Variants in DPP6 observed in about 807,000 individuals in gnomAD.
DPP6 encodes the protein A-type potassium channel modulatory protein DPP6.
A neutral mutation model predicts 122.6 loss-of-function variants in DPP6; 69 were observed. The observed-to-expected ratio is 0.56, with a 90% CI of 0.46 to 0.69. The LOEUF is 0.69. DPP6 is among the 30% of genes least tolerant of loss of function. The pLI is 0.00. For synonymous variants in DPP6, 418 were observed against 433.1 expected (o/e 0.97, Z 0.43); for missense variants, 928 against 1,116.9 (o/e 0.83, Z 2.41).
intron 1 of DPP6, among the ~76,000 whole-genome samples, chr7:154,442,257 C>T (rs909510066): frequency 1.3e-5 from 2 of 151,970 alleles, no homozygotes; most frequent in African/African-American, 2.4e-5. Context: ...GTTTGCCCCC[C>T]TGGTAATGAC....
intron 1 of DPP6, among the ~76,000 whole-genome samples, chr7:154,374,439 A>G (rs1812939100): frequency 6.6e-6 from 1 of 152,164 alleles, no homozygotes; most frequent in Non-Finnish European, 1.5e-5. Flanking sequence ...TCCTATGCCA[A>G]GAGCCATAGG....
At chr7:154,695,206 C>A (rs994133483) in intron 7 of DPP6, among the ~76,000 whole-genome samples, 1 of 152,150 alleles carries the variant, frequency 6.6e-6, no homozygotes, top group African/African-American at 2.4e-5. Context: ...ACGCCCAAGA[C>A]TATTGCAGAG....
At chr7:154,433,926 T>C (rs1818655681) in intron 1 of DPP6, among the ~76,000 whole-genome samples, 1 of 152,236 alleles carries the variant, frequency 6.6e-6, no homozygotes. Context: ...CAAAGATTTC[T>C]GTCTTTCCTT....
chr7:154,629,615 C>A (rs1330335639), intron 5 of DPP6, among the ~76,000 whole-genome samples: 2 of 152,192 alleles, frequency 1.3e-5, no homozygotes, highest in African/African-American at 2.4e-5. Flanking sequence ...TGTTATTTTT[C>A]ACTTCCTCTT....
chr7:154,226,731 A>G (rs10251413), intron 1 of DPP6, among the ~76,000 whole-genome samples: 32,506 of 152,086 alleles, frequency 0.21, 6,330 homozygotes, highest in African/African-American at 0.52. Flanking sequence ...GTCAAGGCAA[A>G]TGTGGCCATT....
chr7:154,671,227 A>T (rs948286057), intron 7 of DPP6, among the ~76,000 whole-genome samples: 12 of 149,792 alleles, frequency 8.0e-5, no homozygotes, highest in Admixed American at 4.6e-4. Flanking sequence ...AATATCCATC[A>T]AATCATCTGT....
the DPP6 span, among the ~76,000 whole-genome samples, chr7:153,820,187 A>G: frequency 7.9e-5 from 12 of 152,194 alleles, no homozygotes; most frequent in African/African-American, 2.9e-4. Flanking sequence ...AAGCCTCAAC[A>G]TTACAAGAGG....
intron 1 of DPP6, among the ~76,000 whole-genome samples, chr7:154,391,902 G>A (rs1814655247): frequency 6.6e-6 from 1 of 152,170 alleles, no homozygotes; most frequent in Non-Finnish European, 1.5e-5. Context: ...AATGACAGTG[G>A]TCATACTAGT....
chr7:154,165,553 C>T (rs1230129841), intron 1 of DPP6, among the ~76,000 whole-genome samples: 2 of 151,252 alleles, frequency 1.3e-5, no homozygotes, highest in Admixed American at 6.6e-5. Context: ...AATGGTATTT[C>T]TAGTTCTAGA....
At chr7:154,715,841 G>A (rs972798497) in intron 7 of DPP6, among the ~76,000 whole-genome samples, 3 of 152,168 alleles carry the variant, frequency 2.0e-5, no homozygotes, top group African/African-American at 7.2e-5. Flanking sequence ...TGCCTATGGA[G>A]CAACTACCTG....
At chr7:154,743,110 C>CT (rs1842888059) in intron 8 of DPP6, among the ~76,000 whole-genome samples, 2 of 152,198 alleles carry the variant, frequency 1.3e-5, no homozygotes, top group African/African-American at 2.4e-5. Flanking sequence ...AAGCTGAAGT[C>CT]TTCCATCAGG....
intron 1 of DPP6, among the ~76,000 whole-genome samples, chr7:154,358,545 G>GTGGCAAGC (rs951560617): frequency 3.9e-5 from 6 of 152,162 alleles, no homozygotes; most frequent in African/African-American, 1.4e-4. Context: ...GAGAGAGACT[G>GTGGCAAGC]TGGCAAGCGG....
chr7:153,788,248 G>T, the DPP6 span, among the ~76,000 whole-genome samples: 1 of 152,180 alleles, frequency 6.6e-6, no homozygotes, highest in African/African-American at 2.4e-5. Flanking sequence ...GTCCCCAGAA[G>T]AATTTGTTTG....
At chr7:154,782,664 G>A (rs567506094) in intron 10 of DPP6, among the ~76,000 whole-genome samples, 30 of 152,262 alleles carry the variant, frequency 2.0e-4, no homozygotes, top group African/African-American at 7.0e-4. Context: ...TTCTCCACTC[G>A]AGCTGGCACT....
At chr7:154,133,304 T>G (rs1003982041) in intron 1 of DPP6, among the ~76,000 whole-genome samples, 6 of 152,024 alleles carry the variant, frequency 3.9e-5, no homozygotes, top group Non-Finnish European at 7.3e-5. Flanking sequence ...TCCACTGTTA[T>G]CCCACCTGAG....
chr7:154,593,676 G>A (rs1223826878), intron 5 of DPP6, among the ~76,000 whole-genome samples: 1 of 152,186 alleles, frequency 6.6e-6, no homozygotes, highest in African/African-American at 2.4e-5. Context: ...TGCCAGCTCT[G>A]GAGCAGGGGG....
At chr7:153,957,215 G>T (rs925307396) in intron 1 of DPP6, among the ~76,000 whole-genome samples, 6 of 152,154 alleles carry the variant, frequency 3.9e-5, no homozygotes, top group Non-Finnish European at 5.9e-5. Context: ...TCAGGGTACT[G>T]AGATGTCAGA....
chr7:154,583,499 T>G (rs1832220484), intron 5 of DPP6, among the ~76,000 whole-genome samples: 1 of 152,166 alleles, frequency 6.6e-6, no homozygotes, highest in Non-Finnish European at 1.5e-5. Flanking sequence ...CAAGGTCATC[T>G]TCTCTTCTCT....
At chr7:153,958,165 AAAAC>A (rs986345746) in intron 1 of DPP6, among the ~76,000 whole-genome samples, 7 of 152,062 alleles carry the variant, frequency 4.6e-5, no homozygotes, top group East Asian at 1.9e-4. Context: ...CTCCATCTTA[AAAAC>A]AAACAAAAAA....
Sources: gnomAD v4.1 joint callset for allele counts (sites outside exome capture counted in the v4.1 genomes callset) on GRCh38, gnomAD v4.1.1 for gene constraint, MANE v1.5 for transcripts, NCBI Gene and HGNC (gene_info 2026-07-23, HGNC 2026-07-21) for gene names.